The following MSANTD2 variants were observed in gnomAD, a reference collection of about 807,000 sequenced individuals.
The protein encoded by MSANTD2 is Myb/SANT DNA binding domain containing 2.
In MSANTD2, 19 loss-of-function variants were observed where a neutral mutation model predicts 52.6. The ratio of observed to expected loss-of-function variants is 0.36; its 90% CI spans 0.25 to 0.53. The LOEUF is 0.53. Among genes scored for constraint, MSANTD2 ranks in the 20% least tolerant of loss-of-function variants. The pLI is 0.91. For synonymous variants in MSANTD2, 291 were observed against 289.7 expected, an observed-to-expected ratio of 1.00 and a Z score of -0.04; for missense variants, 558 against 716.3, an observed-to-expected ratio of 0.78 and a Z score of 2.52.
At chr11:124,771,147 C>T (rs898689309) in intron 3 of MSANTD2, among the ~76,000 whole-genome samples, 4 of 152,068 alleles carry the variant, frequency 2.6e-5, no homozygotes, top group African/African-American at 4.8e-5. Flanking sequence ...GGATTAAAGG[C>T]GTGAGCATGA....
In MSANTD2 at chr11:124,767,517, C is replaced by T. The variant is rs1944345058; in HGVS notation, c.1339G>A (p.Gly447Arg). Residue 447 changes from glycine to arginine, a missense_variant, in exon 4 of 4, where the codon GGA (glycine) becomes AGA (arginine). Physicochemically the swap from Gly to Arg is moderately radical, Grantham distance 125. This residue lies in a region of MSANTD2 where 408 missense variants were observed against 573.6 expected (regional missense o/e 0.71). Transcript: ENST00000374979. The surrounding 1 kb of genome is among the most constrained non-coding windows in gnomAD (Gnocchi z 6.5). ...PHMEQSSLDP[G>R]KEGRVDLETL... ...TCCAGGTCAACCCGGCCCTCTTTTC[C>T]TGGGTCCAGGGAACTTTGCTCCATG... 2 of 1,614,180 alleles carry T rather than the reference C, an allele frequency of 1.2e-6. No homozygotes were observed. Among genetic ancestry groups the T allele is most frequent in the East Asian group, 2.2e-5 (1 of 44,878 alleles).
intron 1 of MSANTD2, among the ~76,000 whole-genome samples, chr11:124,785,223 G>A (rs771758471): frequency 4.3e-4 from 66 of 152,272 alleles, no homozygotes; most frequent in Non-Finnish European, 1.5e-5. Flanking sequence ...ATGGCTCAAC[G>A]TGCCATGTAA....
chr11:124,781,803 C>A (rs1272294837), intron 1 of MSANTD2, among the ~76,000 whole-genome samples: 1 of 152,138 alleles, frequency 6.6e-6, no homozygotes, highest in Non-Finnish European at 1.5e-5. Context: ...CAGGCACCCA[C>A]CACCACGCTC....
Position 124,774,579 on chromosome 11 carries a change from C to T in MSANTD2, c.766+140G>A. 1 of 824,490 alleles carries T rather than the reference C, an allele frequency of 1.2e-6. No homozygotes were observed. Among genetic ancestry groups the T allele is most frequent in the Non-Finnish European group, 1.9e-6 (1 of 530,214 alleles). 51.1% of individuals were successfully genotyped at this position (824,490 alleles called of 1,614,324 possible). On this transcript the variant is annotated intron_variant, in intron 2 of 3. Transcript: ENST00000374979. The surrounding 1 kb of genome is among the most constrained non-coding windows in gnomAD (Gnocchi z 5.1). ...GCAAATTCATGAAAGACATACAAGG[C>T]AGAGATGCCCTTTATGCCTTATGCT...
Position 124,774,941 on chromosome 11 carries a change from G to T in MSANTD2, c.544C>A (p.His182Asn). ...LRRCYSRVKE[H>N]GVGKRKSSYT... ...CTGCTCTTTCTTTTCCCAACACCAT[G>T]TTCTTTCACCCGACTGTAACACCTG... Residue 182 changes from histidine to asparagine, a missense_variant, in exon 2 of 4, where the codon CAT becomes AAT. By Grantham distance (68) the His-to-Asn change is moderately conservative. This residue lies in a region of MSANTD2 where 408 missense variants were observed against 573.6 expected (regional missense o/e 0.71). Transcript: ENST00000374979. The surrounding 1 kb of genome is among the most constrained non-coding windows in gnomAD (Gnocchi z 5.1). 1 of 1,579,388 alleles carries T rather than the reference G, an allele frequency of 6.3e-7. No individual in the cohort carries two copies. Among genetic ancestry groups the T allele is most frequent in the Non-Finnish European group, 8.6e-7 (1 of 1,166,394 alleles).
At chr11:124,791,401 T>A in intron 1 of MSANTD2, 1 of 1,333,430 alleles carries the variant, frequency 7.5e-7, no homozygotes, top group Non-Finnish European at 1.1e-6. Flanking sequence ...ATCAAAACCT[T>A]AGAACTCAGT....
intron 1 of MSANTD2, chr11:124,791,799 C>A (rs563949425): frequency 3.4e-5 from 19 of 554,330 alleles, no homozygotes; most frequent in African/African-American, 3.2e-4. Context: ...GAGAAAGATC[C>A]CCCGCCAGGG....
At chr11:124,797,672 G>C (rs1297684928) in intron 1 of MSANTD2, among the ~76,000 whole-genome samples, 3 of 152,078 alleles carry the variant, frequency 2.0e-5, no homozygotes, top group Admixed American at 6.6e-5. Context: ...ATAAAGAGTA[G>C]AGCACTTTAA....
chr11:124,790,646 A>G (rs571134710), intron 1 of MSANTD2: 1 of 152,378 alleles, frequency 6.6e-6, no homozygotes, highest in East Asian at 1.9e-4. Flanking sequence ...TTGATTCTCC[A>G]TATTACAGCC....
intron 1 of MSANTD2, among the ~76,000 whole-genome samples, chr11:124,799,453 C>T (rs947035983): frequency 6.6e-6 from 1 of 152,236 alleles, no homozygotes; most frequent in East Asian, 1.9e-4. Context: ...CTCAATGCCC[C>T]CCCCTTCTGC....
At position 124,791,237 on chromosome 11, in the gene MSANTD2, G is replaced by A. The variant is rs1456867497; in HGVS notation, c.510+8634C>T. ...AGAATGCCATCATTGACCATCAATG[G>A]GGTCACAACAAGCAAACCTGGAGTA... On this transcript the variant is annotated intron_variant, in intron 1 of 3. Coordinates refer to ENST00000374979, the MANE Select transcript of MSANTD2 (RefSeq NM_001308027.2). 3 of 1,421,898 alleles carry A rather than the reference G, an allele frequency of 2.1e-6. No individual in the cohort carries two copies. The African/African-American group carries it at 4.2e-5, about 20-fold the overall frequency. 88.1% of individuals were successfully genotyped at this position (1,421,898 alleles called of 1,614,324 possible).
At chr11:124,784,811 G>C (rs1324561057) in intron 1 of MSANTD2, 3 of 283,834 alleles carry the variant, frequency 1.1e-5, no homozygotes, top group Non-Finnish European at 1.1e-5. Flanking sequence ...CAAAAACTAA[G>C]GTTATCTGAA....
intron 1 of MSANTD2, among the ~76,000 whole-genome samples, chr11:124,786,940 G>A (rs980973680): frequency 2.0e-5 from 3 of 152,172 alleles, no homozygotes; most frequent in Admixed American, 1.3e-4. Context: ...ATGGGTTCCA[G>A]AGAAACACTG....
In MSANTD2 at chr11:124,767,502, C is replaced by T. The variant is rs774391667; in HGVS notation, c.1354G>A (p.Val452Ile). Residue 452 changes from valine to isoleucine, a missense_variant, in exon 4 of 4, where the codon GTT becomes ATT. This residue lies in a region of MSANTD2 where 408 missense variants were observed against 573.6 expected (regional missense o/e 0.71). Transcript: ENST00000374979. The surrounding 1 kb of genome is among the most constrained non-coding windows in gnomAD (Gnocchi z 6.5). ...TGTGCTGAAAGGGTTTCCAGGTCAA[C>T]CCGGCCCTCTTTTCCTGGGTCCAGG... ...SSLDPGKEGR[V>I]DLETLSAQAS... The T allele has an allele frequency of 1.2e-6, 2 of 1,614,182 alleles. No homozygotes were observed. Among genetic ancestry groups the T allele is most frequent in the Admixed American group, 3.3e-5 (2 of 60,020 alleles).
chr11:124,792,071 C>G (rs1440201613), intron 1 of MSANTD2: 1 of 153,888 alleles, frequency 6.5e-6, no homozygotes, highest in African/African-American at 2.4e-5. Context: ...CTACTAGGTC[C>G]CAGGGTAAAA....
chr11:124,800,129 AG>A lies in MSANTD2; in HGVS notation c.251del (p.Pro84LeufsTer96). On this transcript the variant is annotated frameshift_variant, in exon 1 of 4. Coordinates refer to ENST00000374979, the MANE Select transcript of MSANTD2 (RefSeq NM_001308027.2). LOFTEE classifies it high-confidence loss of function. This position sits in a 1 kb window ranked among gnomAD's most constrained non-coding sequence, Gnocchi z 4.3. ...SAASSSVSFS[P>X]GGGGGGAAAA... ...CCGCAGCCCCGCCACCGCCGCCACC[AG>A]GGGAGAAGGAGACCGAGGACGAGGC... is the stretch of plus-strand genomic sequence containing the variant. The A allele has an allele frequency of 6.8e-7, 1 of 1,480,820 alleles. No individual in the cohort carries two copies. 91.7% of individuals were successfully genotyped at this position (1,480,820 alleles called of 1,614,324 possible). A position where few individuals can be genotyped will look rare whatever the true frequency, so the allele number is the denominator to read the frequency against.
chr11:124,780,428 C>T (rs932112617), intron 1 of MSANTD2, among the ~76,000 whole-genome samples: 3 of 152,186 alleles, frequency 2.0e-5, no homozygotes, highest in South Asian at 4.1e-4. Flanking sequence ...ATGTAGCAAA[C>T]TTGTTTCACA....
intron 1 of MSANTD2, among the ~76,000 whole-genome samples, chr11:124,796,596 G>A (rs1312960839): frequency 6.6e-6 from 1 of 152,076 alleles, no homozygotes; most frequent in Non-Finnish European, 1.5e-5. Flanking sequence ...ACAGGGAAGC[G>A]CTACTGTACC....
At chr11:124,791,461 C>A in intron 1 of MSANTD2, 2 of 1,174,530 alleles carry the variant, frequency 1.7e-6, no homozygotes. Flanking sequence ...CCCACCTGCA[C>A]TGGGAGGTCA....
Sources: allele counts gnomAD v4.1 joint callset (sites outside exome capture counted in the v4.1 genomes callset), GRCh38; gene constraint gnomAD v4.1.1; regional missense constraint gnomAD v4.1.1; non-coding constraint Gnocchi (gnomAD v3.1); transcripts MANE v1.5; gene names NCBI Gene and HGNC (gene_info 2026-07-23, HGNC 2026-07-21).